The following CHRM3 variants were observed in gnomAD, a reference collection of about 807,000 sequenced individuals.
CHRM3 encodes cholinergic receptor muscarinic 3, also known as muscarinic acetylcholine receptor M3.
CHRM3 carries 11 observed loss-of-function variants against 41.8 expected under a neutral mutation model. The observed-to-expected ratio is 0.26, with a 90% CI of 0.17 to 0.44. The LOEUF (loss-of-function observed/expected upper bound fraction) is 0.44, where lower values mean the gene tolerates loss of function less well. Among genes scored for constraint, CHRM3 ranks in the 20% least tolerant of loss-of-function variants. CHRM3 has a pLI of 1.00. For missense variants in CHRM3, 571 were observed against 745.4 expected (o/e 0.77, Z 2.72); for synonymous variants, 297 against 301.4 (o/e 0.99, Z 0.15).
intron 5 of CHRM3, among the ~76,000 whole-genome samples, chr1:239,801,767 G>A (rs1168280404): frequency 2.0e-5 from 3 of 152,148 alleles, no homozygotes; most frequent in Non-Finnish European, 2.9e-5. Context: ...GAGTTATGAA[G>A]AATGAATTCT....
chr1:239,539,723 A>C lies in CHRM3; in HGVS notation c.-421-5918A>C, dbSNP rs185284733. ...TGGCTCACTGCAGCCTCAACCTCCC[A>C]AGGCTCAGGTGATCCTCCTACCTCA... On this transcript the variant is annotated intron_variant, in intron 2 of 6. Coordinates refer to ENST00000676153, the MANE Select transcript of CHRM3 (RefSeq NM_001375978.1). Among the ~76,000 whole-genome samples, 8 of 152,162 alleles carry C rather than the reference A, an allele frequency of 5.3e-5. No individual in the cohort carries two copies. The East Asian group carries it at 1.6e-3, about 30-fold the overall frequency.
intron 5 of CHRM3, among the ~76,000 whole-genome samples, chr1:239,752,400 T>C (rs1665903660): frequency 1.3e-5 from 2 of 152,224 alleles, no homozygotes; most frequent in African/African-American, 4.8e-5. Context: ...ACACACAGGT[T>C]GTAAGGAAAT....
intron 1 of CHRM3, among the ~76,000 whole-genome samples, chr1:239,450,117 T>C (rs1041885187): frequency 1.3e-5 from 2 of 152,228 alleles, no homozygotes; most frequent in African/African-American, 4.8e-5. Flanking sequence ...CGTGAGAGTC[T>C]TGTTACCCTT....
At chr1:239,638,005 G>A (rs541065481) in intron 4 of CHRM3, among the ~76,000 whole-genome samples, 247 of 146,388 alleles carry the variant, frequency 1.7e-3, no homozygotes, top group African/African-American at 5.6e-3. Context: ...GAGTGAGAAC[G>A]TGCAGTGTTT....
At chr1:239,734,149 A>G (rs1253853189) in intron 5 of CHRM3, among the ~76,000 whole-genome samples, 1 of 152,116 alleles carries the variant, frequency 6.6e-6, no homozygotes, top group African/African-American at 2.4e-5. Flanking sequence ...ACTTACTTCA[A>G]GCATTCACAT....
intron 3 of CHRM3, among the ~76,000 whole-genome samples, chr1:239,575,246 TA>T (rs1213078590): frequency 6.6e-6 from 1 of 152,036 alleles, no homozygotes; most frequent in African/African-American, 2.4e-5. Flanking sequence ...CACCTTCACA[TA>T]AAAAAAGGTG....
At chr1:239,830,612 G>A (rs1415126522) in intron 6 of CHRM3, among the ~76,000 whole-genome samples, 2 of 152,242 alleles carry the variant, frequency 1.3e-5, no homozygotes, top group African/African-American at 4.8e-5. Context: ...GCTAAGGCAG[G>A]AGAATTGCTT....
chr1:239,602,168 T>G (rs1401135759), intron 3 of CHRM3, among the ~76,000 whole-genome samples: 2 of 149,838 alleles, frequency 1.3e-5, no homozygotes, highest in African/African-American at 4.9e-5. Context: ...ACAGTTTCGC[T>G]CTGTCTCCCA....
At chr1:239,405,819 A>C (rs1572184744) in intron 1 of CHRM3, among the ~76,000 whole-genome samples, 1 of 152,016 alleles carries the variant, frequency 6.6e-6, no homozygotes, top group Non-Finnish European at 1.5e-5. Context: ...AAATATGACC[A>C]TTCTTTTACT....
chr1:239,551,240 G>T (rs919570821), intron 3 of CHRM3, among the ~76,000 whole-genome samples: 3 of 133,110 alleles, frequency 2.3e-5, no homozygotes, highest in African/African-American at 8.8e-5. Flanking sequence ...TCGGCTTACT[G>T]CAACCTCCAC....
chr1:239,641,137 TTA>T (rs1671094398), intron 4 of CHRM3, among the ~76,000 whole-genome samples: 1 of 152,198 alleles, frequency 6.6e-6, no homozygotes, highest in East Asian at 1.9e-4. Flanking sequence ...AGACAGTTTG[TTA>T]TAATTTCTGT....
intron 6 of CHRM3, among the ~76,000 whole-genome samples, 171 bp downstream of exon 6, chr1:239,827,549 G>C (rs1197653852): frequency 6.6e-6 from 1 of 152,146 alleles, no homozygotes. Flanking sequence ...GGTAATGATA[G>C]TTCCTACCTA....
chr1:239,753,841 T>G (rs1666030726), intron 5 of CHRM3, among the ~76,000 whole-genome samples: 3 of 152,194 alleles, frequency 2.0e-5, no homozygotes, highest in Admixed American at 2.0e-4. Flanking sequence ...TAAGAGAATT[T>G]TTTAAAGATA....
chr1:239,662,105 A>ATG (rs57202092), intron 4 of CHRM3, among the ~76,000 whole-genome samples: 58,201 of 144,622 alleles, frequency 0.4, 11,759 homozygotes, highest in East Asian at 0.58. Context: ...TCAGTTTTAG[A>ATG]TGTGTGTGTG....
chr1:239,825,380 ATCT>A (rs537531687), intron 5 of CHRM3, among the ~76,000 whole-genome samples: 10 of 152,144 alleles, frequency 6.6e-5, no homozygotes, highest in South Asian at 6.2e-4. Context: ...TTGCCTTCAA[ATCT>A]TCTCTCTTGC....
intron 6 of CHRM3, among the ~76,000 whole-genome samples, chr1:239,834,310 C>CTTTT (rs71168857): frequency 5.1e-5 from 6 of 118,300 alleles, no homozygotes; most frequent in African/African-American, 7.1e-5. Context: ...AACTTAATGC[C>CTTTT]TTTTTTTTTT....
intron 5 of CHRM3, among the ~76,000 whole-genome samples, chr1:239,762,572 G>C (rs1666886081): frequency 6.6e-6 from 1 of 152,132 alleles, no homozygotes; most frequent in Admixed American, 6.6e-5. Flanking sequence ...AAATACATCT[G>C]CCTATATTTG....
intron 5 of CHRM3, among the ~76,000 whole-genome samples, chr1:239,784,473 G>A (rs577281291): frequency 1.3e-5 from 2 of 152,110 alleles, no homozygotes; most frequent in East Asian, 1.9e-4. Flanking sequence ...TCAGGTCCAC[G>A]TTCAATTAAC....
chr1:239,549,060 C>A (rs1025607562), intron 3 of CHRM3, among the ~76,000 whole-genome samples: 4 of 152,080 alleles, frequency 2.6e-5, no homozygotes, highest in African/African-American at 4.8e-5. Context: ...GCAGCAGGCA[C>A]AGAGAGAGCT....
Sources: allele counts gnomAD v4.1 joint callset (sites outside exome capture counted in the v4.1 genomes callset), GRCh38; gene constraint gnomAD v4.1.1; transcripts MANE v1.5; gene names NCBI Gene and HGNC (gene_info 2026-07-23, HGNC 2026-07-21).